The following SIGIRR variants were observed in gnomAD, a reference collection of about 807,000 sequenced individuals.
SIGIRR encodes the protein single Ig and TIR domain containing.
In SIGIRR, 41 loss-of-function variants were observed where a neutral mutation model predicts 45.6. The observed-to-expected ratio is 0.90, with a 90% CI of 0.70 to 1.17. The LOEUF (loss-of-function observed/expected upper bound fraction) is 1.17. SIGIRR is among the 50% of genes most tolerant of loss of function. SIGIRR has a pLI of 0.00. For synonymous variants in SIGIRR, 298 were observed against 239.0 expected, an observed-to-expected ratio of 1.25 and a Z score of -2.28; for missense variants, 599 against 539.6, an observed-to-expected ratio of 1.11 and a Z score of -1.09.
At chr11:408,385 C>T (rs996669536) in intron 3 of SIGIRR, among the ~76,000 whole-genome samples, 179 bp from the exon 4 acceptor site, 1 of 152,172 alleles carries the variant, frequency 6.6e-6, no homozygotes, top group Non-Finnish European at 1.5e-5. Flanking sequence ...TCAGAACAGC[C>T]GTCCCAGTCC....
upstream of SIGIRR, among the ~76,000 whole-genome samples, chr11:415,372 G>A (rs1411293650): frequency 1.3e-5 from 2 of 151,956 alleles, no homozygotes; most frequent in Admixed American, 6.6e-5. The surrounding 1 kb of genome is among the most constrained non-coding windows in gnomAD (Gnocchi z 6.6). Flanking sequence ...TAATGCATGG[G>A]GGGTCCTCCA....
Position 407,452 on chromosome 11 carries a change from C to G in SIGIRR, c.598G>C (p.Asp200His). The change falls in exon 6 of 10, where the codon GAC becomes CAC. Residue 200 changes from aspartate (D) to histidine (H), a missense_variant. By Grantham distance (81) the Asp-to-His change is moderately conservative. Coordinates refer to ENST00000431843, the MANE Select transcript of SIGIRR (RefSeq NM_001135054.2). ...GCGCGCGGCAGGAGGTCGCGGTCGT[C>G]CAGGAAGAGCTTGTAGCCCCGACGC... ...ERRRGYKLFL[D>H]DRDLLPRAEP... 6.4e-7 allele frequency: 1 copy of G among 1,558,552 alleles called. No homozygotes were observed. The highest frequency in any genetic ancestry group is 8.7e-7 in the Non-Finnish European group (1 of 1,152,000).
At chr11:409,099 G>A in intron 2 of SIGIRR, 1 of 605,188 alleles carries the variant, frequency 1.7e-6, no homozygotes, top group East Asian at 2.8e-5. Context: ...CGCCCACCCT[G>A]TGCTGAGGGG....
At position 407,756 on chromosome 11, in the gene SIGIRR, G is replaced by T; in HGVS notation, c.481+61C>A. 10 of 1,606,508 alleles carry T rather than the reference G, an allele frequency of 6.2e-6. 1 individual carries two copies. Among genetic ancestry groups the T allele is most frequent in the Non-Finnish European group, 8.5e-6 (10 of 1,177,552 alleles). ...CCGCACGCCTCCAAAGCCGAGCTCA[G>T]CAGCGCACTCTCAGGGAGGCCGTGG... On this transcript the variant is annotated intron_variant, in intron 5 of 9. Coordinates refer to ENST00000431843, the MANE Select transcript of SIGIRR (RefSeq NM_001135054.2).
chr11:416,423 C>T (rs1482909341), upstream of SIGIRR, among the ~76,000 whole-genome samples: 1 of 152,124 alleles, frequency 6.6e-6, no homozygotes, highest in Non-Finnish European at 1.5e-5. This position sits in a 1 kb window ranked among gnomAD's most constrained non-coding sequence, Gnocchi z 9.1. Flanking sequence ...AAGTCTCCGA[C>T]CCTCGCCCGC....
chr11:409,810 C>A, intron 2 of SIGIRR, 58 bp downstream of exon 2: 1 of 1,370,992 alleles, frequency 7.3e-7, no homozygotes, highest in Non-Finnish European at 9.5e-7. Context: ...TGGAGCCAGC[C>A]TGAGGGGCAG....
At chr11:406,231 C>A (rs2133614347) in intron 9 of SIGIRR, 118 bp downstream of exon 9, 2 of 1,540,992 alleles carry the variant, frequency 1.3e-6, no homozygotes, top group African/African-American at 2.7e-5. Context: ...CAGGGGCTCC[C>A]GGTGCCGGGA....
chr11:407,014 G>C (rs754703727), intron 7 of SIGIRR, 21 bp from the exon 8 acceptor site: 1 of 1,588,202 alleles, frequency 6.3e-7, no homozygotes, highest in East Asian at 2.3e-5. Flanking sequence ...GGACCGTCAG[G>C]GGGGTGGGTG....
chr11:411,801 G>GC (rs1847644272), intron 1 of SIGIRR, among the ~76,000 whole-genome samples: 1 of 45,518 alleles, frequency 2.2e-5, no homozygotes, highest in African/African-American at 7.7e-5. Flanking sequence ...ATGCAGTCGG[G>GC]GGGTGCCCAG....
chr11:408,822 A>C lies in SIGIRR; in HGVS notation c.79T>G (p.Ser27Ala), dbSNP rs1385861861. 1.2e-6 allele frequency: 2 copies of C among 1,612,674 alleles called. No homozygotes were observed. The highest frequency in any genetic ancestry group is 2.7e-5 in the African/African-American group (2 of 74,922). Reference sequence around the variant, plus strand: ...CAAGCCGTGCAGTTCAGAGCCACTGAGCTGCCCAAGGCAGGCCTCAGCACC... The same window carrying C: ...CAAGCCGTGCAGTTCAGAGCCACTGCGCTGCCCAAGGCAGGCCTCAGCACC... ...DQVLRPALGSSVALNCTAWVV... is the reference protein window; with the variant it reads ...DQVLRPALGSAVALNCTAWVV... Residue 27 changes from serine (S) to alanine (A), a missense_variant, in exon 3 of 10, where the codon TCA (serine) becomes GCA (alanine). By Grantham distance (99) the Ser-to-Ala change is moderately conservative. Coordinates refer to ENST00000431843, the MANE Select transcript of SIGIRR (RefSeq NM_001135054.2).
In SIGIRR at chr11:410,106, C is replaced by T. The variant is rs1334572680; in HGVS notation, c.-153-79G>A. 3.3e-6 allele frequency: 4 copies of T among 1,199,464 alleles called. No homozygotes were observed. In the African/African-American group the frequency reaches 6.3e-5, roughly 19 times the overall value. The allele number at this position is 1,199,464 out of a possible 1,614,324, so 74.3% of individuals were successfully genotyped here. On this transcript the variant is annotated intron_variant, in intron 1 of 9. Transcript: ENST00000431843. ...AACTGCCGGCCACAGACAGCACTGG[C>T]CCTGACCAGATGCGACCCTGAGCAG...
At chr11:406,680 G>A (rs1590368774) in intron 8 of SIGIRR, 142 bp from the exon 9 acceptor site, 5 of 1,404,242 alleles carry the variant, frequency 3.6e-6, no homozygotes, top group South Asian at 1.5e-5. Flanking sequence ...CCTCAAGGGC[G>A]GCTCCCCGCA....
Position 414,926 on chromosome 11 carries a change from A to G in SIGIRR, c.-257T>C, listed in dbSNP as rs1847839445. The G allele has an allele frequency of 1.0e-6, 1 of 965,686 alleles. No homozygotes were observed. The highest frequency in any genetic ancestry group is 1.2e-6 in the Non-Finnish European group (1 of 811,872). The allele number at this position is 965,686 out of a possible 1,614,324, so 59.8% of individuals were successfully genotyped here. A position where few individuals can be genotyped will look rare whatever the true frequency, so the allele number is the denominator to read the frequency against. On this transcript the variant is annotated 5_prime_UTR_variant, in exon 1 of 10. Coordinates refer to ENST00000431843, the MANE Select transcript of SIGIRR (RefSeq NM_001135054.2). Reference sequence around the variant, plus strand: ...GCCCCAGGGAGTGTCCACAGCACCAAGGCTGCTATGGATGCATCGCCAAGC... The same window carrying G: ...GCCCCAGGGAGTGTCCACAGCACCAGGGCTGCTATGGATGCATCGCCAAGC...
At chr11:415,554 G>C (rs1472752918), upstream of SIGIRR, among the ~76,000 whole-genome samples, 1 of 152,118 alleles carries the variant, frequency 6.6e-6, no homozygotes, top group African/African-American at 2.4e-5. This position sits in a 1 kb window ranked among gnomAD's most constrained non-coding sequence, Gnocchi z 6.6. Context: ...AGAAACTCCC[G>C]GTCAACAATG....
chr11:413,236 G>A (rs1397692407), intron 1 of SIGIRR, among the ~76,000 whole-genome samples: 1 of 152,118 alleles, frequency 6.6e-6, no homozygotes, highest in African/African-American at 2.4e-5. Context: ...CTCCATGGGT[G>A]AAGCACAGCC....
chr11:408,766 A>C lies in SIGIRR; in HGVS notation c.135T>G (p.Pro45=), dbSNP rs144726078. The C allele has an allele frequency of 1.9e-5, 30 of 1,612,664 alleles. No homozygotes were observed. In the African/African-American group the frequency reaches 3.5e-4, roughly 19 times the overall value. ...WVVSGPHCSL[P]SVQWLKDGLP... ...GCCCGTCTTTCAGCCACTGGACTGA[A>C]GGCAGGGAGCAGTGGGGCCCAGAGA... is the stretch of plus-strand genomic sequence containing the variant. The change falls in exon 3 of 10, where the codon CCT becomes CCG. Residue 45 remains proline, a synonymous_variant. Coordinates refer to ENST00000431843, the MANE Select transcript of SIGIRR (RefSeq NM_001135054.2).
intron 8 of SIGIRR, 142 bp from the exon 9 acceptor site, chr11:406,680 G>T: frequency 1.4e-6 from 2 of 1,404,240 alleles, no homozygotes; most frequent in Non-Finnish European, 1.9e-6. Context: ...CCTCAAGGGC[G>T]GCTCCCCGCA....
intron 5 of SIGIRR, 57 bp from the exon 6 acceptor site, chr11:407,625 G>A: frequency 6.3e-7 from 1 of 1,586,148 alleles, no homozygotes; most frequent in Non-Finnish European, 8.6e-7. Context: ...CAGCCCTCGG[G>A]GTCCCCAACA....
chr11:408,018 G>T, intron 4 of SIGIRR, 55 bp downstream of exon 4: 1 of 1,607,122 alleles, frequency 6.2e-7, no homozygotes, highest in Admixed American at 1.7e-5. Flanking sequence ...AAGATCCCTG[G>T]GCCTCACTAG....
Sources: allele counts gnomAD v4.1 joint callset (sites outside exome capture counted in the v4.1 genomes callset), GRCh38; gene constraint gnomAD v4.1.1; non-coding constraint Gnocchi (gnomAD v3.1); transcripts MANE v1.5; gene names NCBI Gene and HGNC (gene_info 2026-07-23, HGNC 2026-07-21).